The following RAD51B variants were observed in gnomAD, a reference collection of about 807,000 sequenced individuals.
RAD51B encodes DNA repair protein RAD51 homolog 2.
Under a neutral mutation model 42.2 loss-of-function variants are expected in RAD51B, and 38 were observed. That is an observed-to-expected ratio of 0.90 (90% CI 0.70 to 1.18). The LOEUF (loss-of-function observed/expected upper bound fraction) is 1.18. RAD51B is among the 50% of genes most tolerant of loss of function. RAD51B has a pLI of 0.00. For missense variants in RAD51B, 373 were observed against 400.7 expected (o/e 0.93, Z 0.59); for synonymous variants, 154 against 145.2 (o/e 1.06, Z -0.43).
At chr14:67,844,833 C>T (rs1204704920) in intron 4 of RAD51B, among the ~76,000 whole-genome samples, 1 of 151,762 alleles carries the variant, frequency 6.6e-6, no homozygotes, top group Non-Finnish European at 1.5e-5. Context: ...GAGTTCATGT[C>T]CTTTGTAGGG....
intron 8 of RAD51B, among the ~76,000 whole-genome samples, chr14:68,358,583 T>A (rs1427108714): frequency 6.6e-6 from 1 of 152,222 alleles, no homozygotes; most frequent in African/African-American, 2.4e-5. Flanking sequence ...TATCTTACTG[T>A]CATTTATGTT....
chr14:68,623,624 A>AC (rs1166014368), intron 10 of RAD51B, among the ~76,000 whole-genome samples: 1 of 152,192 alleles, frequency 6.6e-6, no homozygotes, highest in African/African-American at 2.4e-5. Flanking sequence ...GCTAGTAGTG[A>AC]CCCTGGGTGG....
At chr14:68,657,765 G>A (rs1892847212) in intron 11 of RAD51B, among the ~76,000 whole-genome samples, 1 of 152,232 alleles carries the variant, frequency 6.6e-6, no homozygotes. Context: ...TGCCAGGACA[G>A]GTTGTCAGGC....
chr14:67,918,372 T>C (rs1368690106), intron 7 of RAD51B, among the ~76,000 whole-genome samples: 1 of 152,104 alleles, frequency 6.6e-6, no homozygotes, highest in Non-Finnish European at 1.5e-5. Flanking sequence ...GTAGCTGGGA[T>C]TGTGGGCATG....
chr14:68,425,938 T>C (rs553760710), intron 9 of RAD51B, among the ~76,000 whole-genome samples: 58 of 67,634 alleles, frequency 8.6e-4, no homozygotes, highest in African/African-American at 3.0e-3. Context: ...GCCATTCTTT[T>C]TCTTTCTTTC....
chr14:68,075,340 A>T (rs1249607912), intron 7 of RAD51B, among the ~76,000 whole-genome samples: 1 of 152,130 alleles, frequency 6.6e-6, no homozygotes, highest in East Asian at 1.9e-4. Flanking sequence ...CAAGGGTAGT[A>T]CCACTGCAGT....
At chr14:68,163,964 G>A (rs2078699140) in intron 7 of RAD51B, among the ~76,000 whole-genome samples, 1 of 152,050 alleles carries the variant, frequency 6.6e-6, no homozygotes, top group Non-Finnish European at 1.5e-5. Flanking sequence ...TATTAATATG[G>A]TCCTATTTTT....
At chr14:68,657,391 G>C (rs544692967) in intron 11 of RAD51B, among the ~76,000 whole-genome samples, 2 of 152,198 alleles carry the variant, frequency 1.3e-5, no homozygotes, top group Non-Finnish European at 2.9e-5. Flanking sequence ...ATATTGCCCA[G>C]ACTGGTCTCG....
intron 10 of RAD51B, among the ~76,000 whole-genome samples, chr14:68,604,432 G>A (rs556871393): frequency 6.7e-4 from 102 of 152,302 alleles, no homozygotes; most frequent in Non-Finnish European, 1.1e-3. Flanking sequence ...CACCTCCTGT[G>A]GTGTCCCGCC....
rs150938541 is a variant in RAD51B, at chr14:68,088,589, C to CGT, written c.756+201403_756+201404dup. ...CTGTGTACTAGCAGTGTTATGGGAT[C>CGT]GTGTGTGTGTGTGTGTGTGCGCGTG... On this transcript the variant is annotated intron_variant, in intron 7 of 10. Transcript: ENST00000471583. Among the ~76,000 whole-genome samples the CGT allele has an allele frequency of 2.8e-3, 386 of 136,996 alleles. 1 individual carries two copies. The highest frequency in any genetic ancestry group is 0.012 in the East Asian group (58 of 4,666). 89.9% of individuals were successfully genotyped at this position (136,996 alleles called of 152,430 possible).
rs375355473 is a variant in RAD51B at position 68,223,513 on chromosome 14, G to T, written c.757-68371G>T. On this transcript the variant is annotated intron_variant, in intron 7 of 10. Coordinates refer to ENST00000471583, the MANE Select transcript of RAD51B (RefSeq NM_133510.4). ...CTCAGTTTATTTGTGAGATTGTTGT[G>T]TGGCACAAGCTTACAGGCATGTGTA... Among the ~76,000 whole-genome samples, 51 of 152,328 alleles carry T rather than the reference G, an allele frequency of 3.3e-4. No homozygotes were observed. In the South Asian group the frequency reaches 3.5e-3, roughly 11 times the overall value.
chr14:68,195,575 C>T (rs973762157), intron 7 of RAD51B, among the ~76,000 whole-genome samples: 12 of 152,080 alleles, frequency 7.9e-5, no homozygotes, highest in East Asian at 1.9e-4. Flanking sequence ...CAGAATAATA[C>T]GTATCTTTTC....
In RAD51B at chr14:67,865,108, A is replaced by G; in HGVS notation, c.421A>G (p.Ile141Val). The change falls in exon 5 of 11, where the codon ATT becomes GTT. Residue 141 changes from isoleucine to valine, a missense_variant. By Grantham distance (29) the Ile-to-Val change is conservative (BLOSUM62 3). Coordinates refer to ENST00000471583, the MANE Select transcript of RAD51B (RefSeq NM_133510.4). ...AGGATTAGAAGGAGCTGTGGTGTAC[A>G]TTGACACAGAGTCTGCATTTAGTGC... Reference protein sequence around the residue: ...MGGLEGAVVYIDTESAFSAER... With the variant: ...MGGLEGAVVYVDTESAFSAER... 5 of 1,603,728 alleles carry G rather than the reference A, an allele frequency of 3.1e-6. No individual in the cohort carries two copies. Among genetic ancestry groups the G allele is most frequent in the South Asian group, 1.1e-5 (1 of 89,310 alleles).
chr14:68,236,856 A>G (rs17105229), intron 7 of RAD51B, among the ~76,000 whole-genome samples: 4,475 of 152,198 alleles, frequency 0.029, 225 homozygotes, highest in African/African-American at 0.1. Flanking sequence ...TGGCTCCTCT[A>G]TATAGATTTG....
At chr14:68,151,703 CATTA>C in intron 7 of RAD51B, among the ~76,000 whole-genome samples, 1 of 151,724 alleles carries the variant, frequency 6.6e-6, no homozygotes, top group Non-Finnish European at 1.5e-5. Context: ...TTTAATCTAC[CATTA>C]ATTCTATCCA....
At chr14:68,476,565 C>T (rs904194911) in intron 10 of RAD51B, among the ~76,000 whole-genome samples, 14 of 152,200 alleles carry the variant, frequency 9.2e-5, no homozygotes, top group African/African-American at 3.1e-4. Flanking sequence ...AGTAAGTCAT[C>T]TTGACCCATG....
chr14:67,977,876 A>G (rs921909973), intron 7 of RAD51B, among the ~76,000 whole-genome samples: 1 of 152,194 alleles, frequency 6.6e-6, no homozygotes, highest in African/African-American at 2.4e-5. Flanking sequence ...GCCACTTTAA[A>G]TTTAGTTCTG....
intron 11 of RAD51B, among the ~76,000 whole-genome samples, chr14:68,680,042 C>T (rs1422580541): frequency 2.0e-5 from 3 of 152,164 alleles, no homozygotes; most frequent in Non-Finnish European, 4.4e-5. Flanking sequence ...ATATGAGCCA[C>T]TTTTTTGCTG....
chr14:67,852,903 G>A (rs942764251), intron 4 of RAD51B, among the ~76,000 whole-genome samples: 1 of 152,134 alleles, frequency 6.6e-6, no homozygotes, highest in Non-Finnish European at 1.5e-5. Context: ...AATATGATGA[G>A]ATGTCACTCC....
Sources: allele counts gnomAD v4.1 joint callset (sites outside exome capture counted in the v4.1 genomes callset), GRCh38; gene constraint gnomAD v4.1.1; transcripts MANE v1.5; gene names NCBI Gene and HGNC (gene_info 2026-07-23, HGNC 2026-07-21).